Variants in ADGRL3 observed in about 807,000 individuals in gnomAD.
ADGRL3 encodes the protein calcium-independent alpha-latrotoxin receptor 3.
Under a neutral mutation model 153.5 loss-of-function variants are expected in ADGRL3, and 62 were observed. That is an observed-to-expected ratio of 0.40 (90% CI 0.33 to 0.50). The LOEUF (loss-of-function observed/expected upper bound fraction) is 0.50. Ranked by LOEUF, ADGRL3 falls within the 20% of genes least tolerant of loss-of-function variation. The probability of loss-of-function intolerance (pLI) is 0.47; values close to 1 mark genes in which losing one functional copy is unlikely to be tolerated. For missense variants in ADGRL3, 1,641 were observed against 1,859.4 expected (o/e 0.88, Z 2.16); for synonymous variants, 710 against 672.5 (o/e 1.06, Z -0.86).
At position 61,303,613 on chromosome 4, in the gene ADGRL3, A is replaced by C. The variant is rs181471245; in HGVS notation, c.-239-79511A>C. Among the ~76,000 whole-genome samples, 141 of 152,294 alleles carry C rather than the reference A, an allele frequency of 9.3e-4. 1 individual carries two copies. Among genetic ancestry groups the C allele is most frequent in the Admixed American group, 2.1e-3 (32 of 15,290 alleles). On this transcript the variant is annotated intron_variant, in intron 1 of 26. Transcript: ENST00000683033. ...TTGTTTGAAATCTTACACTTTTGTA[A>C]TAAAGAATAAGTGGTTAGATGTTTA...
intron 8 of ADGRL3, chr4:61,775,860 T>G: frequency 2.1e-6 from 1 of 478,610 alleles, no homozygotes; most frequent in Non-Finnish European, 3.8e-6. Flanking sequence ...TGGCGGTGGG[T>G]TACCGGTGAA....
intron 8 of ADGRL3, among the ~76,000 whole-genome samples, chr4:61,813,448 C>A (rs2097653057): frequency 6.6e-6 from 1 of 151,876 alleles, no homozygotes; most frequent in African/African-American, 2.4e-5. Context: ...AAATATGCCA[C>A]TTAATATTTA....
At chr4:61,543,916 C>A (rs2098702138) in intron 4 of ADGRL3, among the ~76,000 whole-genome samples, 1 of 152,164 alleles carries the variant, frequency 6.6e-6, no homozygotes, top group African/African-American at 2.4e-5. Context: ...TAGGCATATA[C>A]CACATTTTAC....
chr4:61,912,763 T>G lies in ADGRL3; in HGVS notation c.2112+6T>G, dbSNP rs1268453557. The G allele has an allele frequency of 6.2e-7, 1 of 1,612,676 alleles. No individual in the cohort carries two copies. The highest frequency in any genetic ancestry group is 1.1e-5 in the South Asian group (1 of 91,040). ...CTTGCAGAGCCTATGTCCAGGTACTTTCTGCGTTTTTATAAATGTGTTAAG... is the reference window on the plus strand; with the variant it reads ...CTTGCAGAGCCTATGTCCAGGTACTGTCTGCGTTTTTATAAATGTGTTAAG... On this transcript the variant is annotated splice_donor_region_variant and intron_variant, in intron 13 of 26. Transcript: ENST00000683033.
chr4:61,262,505 G>C (rs1054573220), intron 1 of ADGRL3, among the ~76,000 whole-genome samples: 6 of 151,986 alleles, frequency 3.9e-5, no homozygotes, highest in African/African-American at 7.3e-5. Flanking sequence ...AGATTCTCCA[G>C]ACACTGTATT....
intron 4 of ADGRL3, among the ~76,000 whole-genome samples, chr4:61,542,660 A>G (rs915510451): frequency 6.6e-6 from 1 of 152,142 alleles, no homozygotes; most frequent in Non-Finnish European, 1.5e-5. Context: ...CTTATGCATC[A>G]TAGTCCATTA....
chr4:61,524,802 G>T (rs939701817), intron 4 of ADGRL3, among the ~76,000 whole-genome samples: 3 of 151,972 alleles, frequency 2.0e-5, no homozygotes, highest in Non-Finnish European at 4.4e-5. Context: ...GATATATAAT[G>T]GAAGATCCAT....
chr4:61,715,750 CAT>C (rs2096096915), intron 6 of ADGRL3, among the ~76,000 whole-genome samples: 1 of 151,830 alleles, frequency 6.6e-6, no homozygotes, highest in Non-Finnish European at 1.5e-5. Context: ...ACTCTATTGC[CAT>C]AACTAAGGAC....
chr4:61,515,820 G>A (rs1337234963), intron 3 of ADGRL3, among the ~76,000 whole-genome samples: 2 of 151,968 alleles, frequency 1.3e-5, no homozygotes, highest in East Asian at 1.9e-4. Flanking sequence ...GTCATTTTAG[G>A]TAATGAAGAG....
intron 1 of ADGRL3, among the ~76,000 whole-genome samples, chr4:61,316,746 C>A (rs1277245831): frequency 6.6e-6 from 1 of 152,140 alleles, no homozygotes; most frequent in Non-Finnish European, 1.5e-5. Context: ...GAAAATGATT[C>A]TATTAAGTTC....
intron 9 of ADGRL3, among the ~76,000 whole-genome samples, chr4:61,882,699 G>C (rs759277644): frequency 1.3e-5 from 2 of 152,148 alleles, no homozygotes; most frequent in Non-Finnish European, 2.9e-5. Context: ...ACTGTGTCTA[G>C]ACCTTTGCAG....
intron 24 of ADGRL3, among the ~76,000 whole-genome samples, chr4:62,042,271 T>C (rs1359608504): frequency 6.6e-6 from 1 of 151,854 alleles, no homozygotes; most frequent in East Asian, 1.9e-4. Context: ...TAAATATAAA[T>C]GTAAGAAATA....
At chr4:61,282,787 C>T (rs2093777991) in intron 1 of ADGRL3, among the ~76,000 whole-genome samples, 1 of 151,942 alleles carries the variant, frequency 6.6e-6, no homozygotes, top group Non-Finnish European at 1.5e-5. Context: ...CCTCATATTT[C>T]ACAGTTCTGT....
chr4:62,066,251 G>A (rs1742938934), intron 25 of ADGRL3, among the ~76,000 whole-genome samples: 1 of 152,016 alleles, frequency 6.6e-6, no homozygotes, highest in African/African-American at 2.4e-5. Context: ...ATGAAATATA[G>A]GTGGCTCGGT....
chr4:61,398,534 A>G (rs1453673013), intron 2 of ADGRL3, among the ~76,000 whole-genome samples: 1 of 151,662 alleles, frequency 6.6e-6, no homozygotes, highest in Non-Finnish European at 1.5e-5. Context: ...TGTTGGTCCT[A>G]TCTAGCAAAC....
chr4:61,293,589 T>G (rs1279433195), intron 1 of ADGRL3, among the ~76,000 whole-genome samples: 1 of 152,180 alleles, frequency 6.6e-6, no homozygotes, highest in African/African-American at 2.4e-5. Context: ...TGCCTACTTA[T>G]GTGTTCCATG....
At chr4:61,842,417 G>C (rs999605366) in intron 9 of ADGRL3, among the ~76,000 whole-genome samples, 12 of 152,038 alleles carry the variant, frequency 7.9e-5, no homozygotes, top group African/African-American at 2.9e-4. Flanking sequence ...GTAATTAAAG[G>C]GACTAATCTA....
chr4:61,822,186 A>C (rs1033934087), intron 9 of ADGRL3, among the ~76,000 whole-genome samples: 6 of 152,196 alleles, frequency 3.9e-5, no homozygotes, highest in Non-Finnish European at 2.9e-5. Context: ...GATTGCATTA[A>C]ATTAAAACTC....
Position 61,580,727 on chromosome 4 carries a change from A to T in ADGRL3, c.260-6500A>T, listed in dbSNP as rs371184698. Among the ~76,000 whole-genome samples, 41 of 152,134 alleles carry T rather than the reference A, an allele frequency of 2.7e-4. 1 individual carries two copies. Among genetic ancestry groups the T allele is most frequent in the African/African-American group, 9.6e-4 (40 of 41,532 alleles). ...CCTCTCTCATGTGCATCCGAAGTTC[A>T]TCCTGGGTGCCTCAGTTCTTTGCTC... On this transcript the variant is annotated intron_variant, in intron 4 of 26. Coordinates refer to ENST00000683033, the MANE Select transcript of ADGRL3 (RefSeq NM_001387552.1).
Sources: gnomAD v4.1 joint callset for allele counts (sites outside exome capture counted in the v4.1 genomes callset) on GRCh38, gnomAD v4.1.1 for gene constraint, MANE v1.5 for transcripts, NCBI Gene and HGNC (gene_info 2026-07-23, HGNC 2026-07-21) for gene names.